METTL9: variants seen among roughly 807,000 people sequenced by gnomAD.
METTL9 encodes protein-L-histidine N-pros-methyltransferase.
In METTL9, 10 loss-of-function variants were observed where a neutral mutation model predicts 36.0. That is an observed-to-expected ratio of 0.28 (90% CI 0.17 to 0.47). The LOEUF (loss-of-function observed/expected upper bound fraction) is 0.47, where lower values mean the gene tolerates loss of function less well. METTL9 is among the 20% of genes least tolerant of loss of function. The pLI is 0.99. For missense variants in METTL9, 246 were observed against 383.5 expected (o/e 0.64, Z 3.00); for synonymous variants, 175 against 149.7 (o/e 1.17, Z -1.23).
chr16:21,617,956 C>G lies in METTL9; in HGVS notation c.448C>G (p.Leu150Val). The G allele has an allele frequency of 1.2e-6, 2 of 1,613,926 alleles. No homozygotes were observed. The highest frequency in any genetic ancestry group is 1.7e-6 in the Non-Finnish European group (2 of 1,179,960). ...TCCAGACTGGAAAACCCACAGACTT[C>G]TTGATTTAGGTGCTGGAGATGGAGA... is the stretch of plus-strand genomic sequence containing the variant. Reference protein sequence around the residue: ...INPDWKTHRLLDLGAGDGEVT... With the variant: ...INPDWKTHRLVDLGAGDGEVT... Residue 150 changes from leucine to valine, a missense_variant, in exon 3 of 5, where the codon CTT becomes GTT. Around this residue, in one of 2 missense-constraint regions of METTL9, gnomAD observed 146 missense variants for 302.1 expected, o/e 0.48. Coordinates refer to ENST00000358154, the MANE Select transcript of METTL9 (RefSeq NM_016025.5).
In METTL9 at chr16:21,611,916, A is replaced by G. The variant is rs80273305; in HGVS notation, c.166-729A>G. 8.8e-3 allele frequency among the ~76,000 whole-genome samples: 1,342 copies of G among 152,266 alleles called. 46 individuals are homozygous for G. The highest frequency in any genetic ancestry group is 0.082 in the East Asian group (427 of 5,182). ...GTTCTAGAATGTGGATTCTGGGTAG[A>G]GCCAATTCCTGGAAATCTGGTTCTT... On this transcript the variant is annotated intron_variant, in intron 1 of 4. Coordinates refer to ENST00000358154, the MANE Select transcript of METTL9 (RefSeq NM_016025.5).
At chr16:21,640,353 A>G (rs1351635398) in intron 4 of METTL9, 1 of 152,136 alleles carries the variant, frequency 6.6e-6, no homozygotes, top group Non-Finnish European at 1.5e-5. Flanking sequence ...GTAGCTTTCA[A>G]AGGACAATTT....
At chr16:21,631,887 CT>C (rs1052757914) in intron 4 of METTL9, among the ~76,000 whole-genome samples, 9 of 152,064 alleles carry the variant, frequency 5.9e-5, no homozygotes, top group African/African-American at 2.2e-4. Context: ...ACTGTTTTTT[CT>C]TTACTACTTC....
Position 21,612,847 on chromosome 16 carries a change from T to C in METTL9, c.356+12T>C. Reference sequence around the variant, plus strand: ...ACATCTATCAATGGGTAAGTGAATCTTGGACATTTATTTTTTTCTTTATCC... The same window carrying C: ...ACATCTATCAATGGGTAAGTGAATCCTGGACATTTATTTTTTTCTTTATCC... On this transcript the variant is annotated intron_variant, in intron 2 of 4. Transcript: ENST00000358154. 2 of 1,559,360 alleles carry C rather than the reference T, an allele frequency of 1.3e-6. No individual in the cohort carries two copies. Among genetic ancestry groups the C allele is most frequent in the Non-Finnish European group, 1.7e-6 (2 of 1,156,802 alleles).
chr16:21,599,854 G>C lies in METTL9; in HGVS notation c.121G>C (p.Gly41Arg), dbSNP rs780224868. 4 of 1,508,542 alleles carry C rather than the reference G, an allele frequency of 2.7e-6. No individual in the cohort carries two copies. Among genetic ancestry groups the C allele is most frequent in the Admixed American group, 2.2e-5 (1 of 46,168 alleles). 93.4% of individuals were successfully genotyped at this position (1,508,542 alleles called of 1,614,324 possible). A position where few individuals can be genotyped will look rare whatever the true frequency, so the allele number is the denominator to read the frequency against. The change falls in exon 1 of 5, where the codon GGT (glycine) becomes CGT (arginine). Residue 41 changes from glycine (G) to arginine (R), a missense_variant. By Grantham distance (125) the Gly-to-Arg change is moderately radical. Around this residue, in one of 2 missense-constraint regions of METTL9, gnomAD observed 100 missense variants for 81.4 expected, o/e 1.23. Transcript: ENST00000358154. The surrounding 1 kb of genome is among the most constrained non-coding windows in gnomAD (Gnocchi z 4.4). ...GTACGTGAACATGACTAGCGGCCCG[G>C]GTGGGCCGGCGGCGGCCGCGGGCGG... ...SLYVNMTSGP[G>R]GPAAAAGGRK...
At chr16:21,602,542 C>A (rs1965161068) in intron 1 of METTL9, among the ~76,000 whole-genome samples, 1 of 151,894 alleles carries the variant, frequency 6.6e-6, no homozygotes, top group East Asian at 1.9e-4. Context: ...ATTTTACAGC[C>A]TATGAAATAA....
intron 4 of METTL9, among the ~76,000 whole-genome samples, chr16:21,649,572 G>A (rs187725468): frequency 2.0e-5 from 3 of 152,270 alleles, no homozygotes; most frequent in Admixed American, 6.5e-5. Flanking sequence ...TATACTGAGT[G>A]GAAATTTAAA....
chr16:21,637,083 G>A (rs1966118171), intron 4 of METTL9, among the ~76,000 whole-genome samples: 1 of 152,122 alleles, frequency 6.6e-6, no homozygotes, highest in South Asian at 2.1e-4. Context: ...ATTGCGAAGA[G>A]TGAAAAAACA....
chr16:21,623,205 C>G (rs560143004), intron 3 of METTL9, among the ~76,000 whole-genome samples: 5 of 152,286 alleles, frequency 3.3e-5, no homozygotes, highest in Non-Finnish European at 5.9e-5. Flanking sequence ...GAAACACCTG[C>G]ACCAGTAAGG....
intron 4 of METTL9, among the ~76,000 whole-genome samples, chr16:21,631,920 TTTTC>T (rs1233418297): frequency 6.6e-6 from 1 of 152,166 alleles, no homozygotes; most frequent in Non-Finnish European, 1.5e-5. Context: ...CTCTTTGACT[TTTTC>T]TTTGTCTCTC....
At chr16:21,643,421 T>G in intron 4 of METTL9, 1 of 668,574 alleles carries the variant, frequency 1.5e-6, no homozygotes, top group Non-Finnish European at 2.5e-6. Context: ...TGTCTGCAGT[T>G]GAAAGTTACC....
intron 1 of METTL9, among the ~76,000 whole-genome samples, chr16:21,603,077 C>T (rs989908523): frequency 9.2e-5 from 14 of 152,066 alleles, no homozygotes; most frequent in African/African-American, 3.4e-4. Flanking sequence ...AAAACATTTA[C>T]TACGTGGCTT....
chr16:21,614,453 T>C (rs1162520851), intron 2 of METTL9, among the ~76,000 whole-genome samples: 1 of 152,218 alleles, frequency 6.6e-6, no homozygotes, highest in East Asian at 1.9e-4. Flanking sequence ...TTTCACAGTT[T>C]GATCAAAGAG....
chr16:21,654,919 C>A, intron 4 of METTL9: 1 of 362,372 alleles, frequency 2.8e-6, no homozygotes, highest in Non-Finnish European at 5.1e-6. Flanking sequence ...AGTCTATTGG[C>A]AGATACTACC....
chr16:21,632,579 G>A (rs1486555165), intron 4 of METTL9, among the ~76,000 whole-genome samples: 1 of 152,130 alleles, frequency 6.6e-6, no homozygotes, highest in Non-Finnish European at 1.5e-5. Flanking sequence ...CAGGGTTGAG[G>A]GCCACGCACA....
chr16:21,630,503 T>G (rs1965931181), intron 4 of METTL9, among the ~76,000 whole-genome samples: 1 of 152,176 alleles, frequency 6.6e-6, no homozygotes, highest in South Asian at 2.1e-4. Flanking sequence ...CGTTGTCACC[T>G]CTCAATCCCC....
intron 4 of METTL9, among the ~76,000 whole-genome samples, chr16:21,634,291 G>A (rs975416182): frequency 1.3e-5 from 2 of 152,154 alleles, no homozygotes; most frequent in Non-Finnish European, 2.9e-5. Context: ...ATGAGCTGGC[G>A]CTTGCCCCGG....
At chr16:21,606,552 T>C (rs974142004) in intron 1 of METTL9, among the ~76,000 whole-genome samples, 2 of 152,084 alleles carry the variant, frequency 1.3e-5, no homozygotes, top group African/African-American at 2.4e-5. Context: ...TGTCATTACA[T>C]AGGCATGATT....
intron 4 of METTL9, among the ~76,000 whole-genome samples, chr16:21,636,607 T>C (rs935626354): frequency 6.6e-6 from 1 of 152,168 alleles, no homozygotes; most frequent in Non-Finnish European, 1.5e-5. Flanking sequence ...CAACTTCTTG[T>C]TGGGACCCCG....
Sources: gnomAD v4.1 joint callset for allele counts (sites outside exome capture counted in the v4.1 genomes callset) on GRCh38, gnomAD v4.1.1 for gene constraint, gnomAD v4.1.1 regional missense constraint, Gnocchi (gnomAD v3.1) non-coding constraint, MANE v1.5 for transcripts, NCBI Gene and HGNC (gene_info 2026-07-23, HGNC 2026-07-21) for gene names.